PDLIM5: variants seen among roughly 807,000 people sequenced by gnomAD.
PDLIM5 encodes the protein PDZ and LIM domain protein 5.
Under a neutral mutation model 64.2 loss-of-function variants are expected in PDLIM5, and 34 were observed. The ratio of observed to expected loss-of-function variants is 0.53; its 90% CI spans 0.40 to 0.71. The LOEUF (loss-of-function observed/expected upper bound fraction) is 0.71. PDLIM5 is among the 30% of genes least tolerant of loss of function. The pLI is 0.00. For synonymous variants in PDLIM5, 253 were observed against 269.1 expected (o/e 0.94, Z 0.59); for missense variants, 683 against 733.6 (o/e 0.93, Z 0.80).
chr4:94,641,778 T>C (rs1741021419), intron 9 of PDLIM5, among the ~76,000 whole-genome samples: 1 of 152,182 alleles, frequency 6.6e-6, no homozygotes, highest in South Asian at 2.1e-4. Flanking sequence ...GTAGTAGTAA[T>C]AGTGGTTATG....
intron 7 of PDLIM5, among the ~76,000 whole-genome samples, chr4:94,612,599 C>T (rs1472916333): frequency 6.6e-6 from 1 of 152,254 alleles, no homozygotes; most frequent in Non-Finnish European, 1.5e-5. Flanking sequence ...TATGGCCCCA[C>T]CTCTAGAGCG....
chr4:94,616,479 A>T (rs183633850), intron 7 of PDLIM5, among the ~76,000 whole-genome samples: 2 of 152,320 alleles, frequency 1.3e-5, no homozygotes, highest in East Asian at 3.9e-4. Flanking sequence ...AGGCTTAGAG[A>T]TGTAAAATAA....
intron 8 of PDLIM5, among the ~76,000 whole-genome samples, chr4:94,621,956 A>C (rs1739271137): frequency 6.6e-6 from 1 of 152,206 alleles, no homozygotes; most frequent in Non-Finnish European, 1.5e-5. Flanking sequence ...TTCTTAGCTC[A>C]ATTTTGAAAA....
chr4:94,531,694 T>C (rs1313173762), intron 3 of PDLIM5, among the ~76,000 whole-genome samples: 1 of 152,228 alleles, frequency 6.6e-6, no homozygotes, highest in Non-Finnish European at 1.5e-5. Flanking sequence ...TCATAGCTTA[T>C]GCCCTCCTTA....
intron 3 of PDLIM5, among the ~76,000 whole-genome samples, chr4:94,544,902 G>A (rs1732172708): frequency 6.6e-6 from 1 of 152,190 alleles, no homozygotes; most frequent in South Asian, 2.1e-4. Context: ...TGAATCTCTT[G>A]ATGCAAAGAT....
chr4:94,647,171 C>G (rs1741480098), intron 9 of PDLIM5, among the ~76,000 whole-genome samples: 1 of 152,012 alleles, frequency 6.6e-6, no homozygotes, highest in Non-Finnish European at 1.5e-5. Context: ...TTACATTAAA[C>G]ATAAATATAT....
intron 3 of PDLIM5, among the ~76,000 whole-genome samples, chr4:94,564,656 C>CTTTTT (rs768721210): frequency 0.055 from 5,762 of 104,216 alleles, 432 homozygotes; most frequent in African/African-American, 0.1. Context: ...AATTTTGTCT[C>CTTTTT]TTTTTTTTTT....
rs1331453445 is a variant in PDLIM5 at position 94,573,342 on chromosome 4, T to A, written c.249-9T>A. The A allele has an allele frequency of 6.2e-7, 1 of 1,605,262 alleles. No homozygotes were observed. Among genetic ancestry groups the A allele is most frequent in the Admixed American group, 1.7e-5 (1 of 58,946 alleles). ...TTTTTTTTTTCTTTTTCTTTCTTTT[T>A]TTCCTCAGAGCATCTGCTGCACCCA... On this transcript the variant is annotated splice_polypyrimidine_tract_variant and intron_variant, in intron 3 of 12. Transcript: ENST00000317968.
At chr4:94,463,193 C>A (rs529370051) in intron 2 of PDLIM5, among the ~76,000 whole-genome samples, 29 of 152,236 alleles carry the variant, frequency 1.9e-4, no homozygotes, top group Non-Finnish European at 3.5e-4. Flanking sequence ...TTAATAGATT[C>A]AAAGTTGTTA....
chr4:94,556,337 G>C (rs1733318469), intron 3 of PDLIM5, among the ~76,000 whole-genome samples: 1 of 152,088 alleles, frequency 6.6e-6, no homozygotes, highest in South Asian at 2.1e-4. Flanking sequence ...CCAAGTCTTT[G>C]CTATTGTGAA....
At chr4:94,579,931 A>C (rs1393925403) in intron 5 of PDLIM5, among the ~76,000 whole-genome samples, 3 of 152,154 alleles carry the variant, frequency 2.0e-5, no homozygotes, top group Non-Finnish European at 2.9e-5. Flanking sequence ...GCTGATGGTA[A>C]AGTCTCTTAA....
chr4:94,638,391 T>A (rs895859180), intron 8 of PDLIM5, among the ~76,000 whole-genome samples: 2 of 152,186 alleles, frequency 1.3e-5, no homozygotes, highest in Non-Finnish European at 2.9e-5. Flanking sequence ...ATAATAGAGC[T>A]CCCTGGCCTG....
intron 2 of PDLIM5, among the ~76,000 whole-genome samples, chr4:94,491,479 G>A (rs1726867745): frequency 6.6e-6 from 1 of 151,912 alleles, no homozygotes; most frequent in African/African-American, 2.4e-5. Flanking sequence ...TATCTTTTAG[G>A]GCCTTGTTAA....
Position 94,664,572 on chromosome 4 carries a change from T to C in PDLIM5, c.*505T>C. 1.2e-6 allele frequency: 1 copy of C among 869,534 alleles called. No homozygotes were observed. Among genetic ancestry groups the C allele is most frequent in the Non-Finnish European group, 1.4e-6 (1 of 724,608 alleles). The allele number at this position is 869,534 out of a possible 1,614,324, so 53.9% of individuals were successfully genotyped here. ...TTTATCAGTAATAGGTGTCAGTTTT[T>C]AAAAAATTGCTTGTAGGCTGAGCGC... On this transcript the variant is annotated 3_prime_UTR_variant, in exon 13 of 13. Transcript: ENST00000317968.
At chr4:94,641,652 G>A (rs1170580860) in intron 9 of PDLIM5, among the ~76,000 whole-genome samples, 1 of 152,156 alleles carries the variant, frequency 6.6e-6, no homozygotes. Flanking sequence ...CATAAGGACA[G>A]ATATTATTTT....
chr4:94,465,899 A>G (rs1185886864), intron 2 of PDLIM5, among the ~76,000 whole-genome samples: 1 of 151,608 alleles, frequency 6.6e-6, no homozygotes, highest in African/African-American at 2.4e-5. Context: ...GAGATAGCCA[A>G]ATTTGTGTGT....
At chr4:94,466,964 C>T (rs1036364742) in intron 2 of PDLIM5, among the ~76,000 whole-genome samples, 1 of 152,152 alleles carries the variant, frequency 6.6e-6, no homozygotes, top group East Asian at 1.9e-4. Context: ...TGTTTTACAC[C>T]TCATGATAAA....
intron 7 of PDLIM5, among the ~76,000 whole-genome samples, chr4:94,603,157 A>AT (rs1737632114): frequency 1.3e-5 from 2 of 152,102 alleles, no homozygotes; most frequent in Middle Eastern, 3.4e-3. Context: ...TCATTTGGGG[A>AT]TTTTGTAGAG....
intron 5 of PDLIM5, among the ~76,000 whole-genome samples, chr4:94,577,826 T>TAAAACATCTGAAAATACCAAGCTTAAG (rs1735428608): frequency 0.56 from 1,488 of 2,644 alleles, 666 homozygotes; most frequent in East Asian, 1. Context: ...CTCTTCTTTT[T>TAAAACATCTGAAAATACCAAGCTTAAG]TTTTTTTTTT....
Sources: allele counts gnomAD v4.1 joint callset (sites outside exome capture counted in the v4.1 genomes callset), GRCh38; gene constraint gnomAD v4.1.1; transcripts MANE v1.5; gene names NCBI Gene and HGNC (gene_info 2026-07-23, HGNC 2026-07-21).